PTPRD: variants seen among roughly 807,000 people sequenced by gnomAD.
PTPRD encodes receptor-type tyrosine-protein phosphatase delta.
A neutral mutation model predicts 214.5 loss-of-function variants in PTPRD; 34 were observed. That is an observed-to-expected ratio of 0.16 (90% CI 0.12 to 0.21). PTPRD has a LOEUF of 0.21. PTPRD is among the 10% of genes least tolerant of loss of function. The pLI is 1.00. For missense variants in PTPRD, 2,545 were observed against 2,398.7 expected (o/e 1.06, Z -1.27); for synonymous variants, 1,128 against 845.7 (o/e 1.33, Z -5.79).
chr9:8,538,052 C>G (rs1006120173), intron 14 of PTPRD, among the ~76,000 whole-genome samples: 22 of 151,934 alleles, frequency 1.4e-4, no homozygotes, highest in Admixed American at 1.2e-3. Flanking sequence ...GAACGTTTAA[C>G]TAAATACTTA....
intron 9 of PTPRD, among the ~76,000 whole-genome samples, chr9:9,224,329 G>C (rs1263482750): frequency 6.6e-6 from 1 of 151,954 alleles, no homozygotes; most frequent in Non-Finnish European, 1.5e-5. Context: ...GAAAGGGAAA[G>C]GCCATTTCAG....
chr9:10,375,894 T>C (rs1015113982), intron 2 of PTPRD, among the ~76,000 whole-genome samples: 11 of 152,054 alleles, frequency 7.2e-5, no homozygotes, highest in African/African-American at 2.7e-4. Context: ...CTATTTTGAA[T>C]TTGCATTTAT....
chr9:8,789,648 C>A (rs1326439878), intron 11 of PTPRD, among the ~76,000 whole-genome samples: 4 of 151,936 alleles, frequency 2.6e-5, no homozygotes, highest in Non-Finnish European at 4.4e-5. Context: ...ATTTTTTAAA[C>A]TGCTAGTACC....
At chr9:8,770,197 G>T (rs910136705) in intron 11 of PTPRD, among the ~76,000 whole-genome samples, 1 of 152,036 alleles carries the variant, frequency 6.6e-6, no homozygotes, top group African/African-American at 2.4e-5. Flanking sequence ...AGAGAGAATT[G>T]CTTGAACCGG....
rs551795533 is a variant in PTPRD at position 9,786,069 on chromosome 9, A to G, written c.-367-19218T>C. Among the ~76,000 whole-genome samples, 451 of 152,302 alleles carry G rather than the reference A, an allele frequency of 3.0e-3. 3 individuals carry two copies. Among genetic ancestry groups the G allele is most frequent in the African/African-American group, 0.01 (421 of 41,588 alleles). ...ATTACTTCTCCATATTTCATTATCAATAATACAAACCAATGGCCTAAGCCT... is the reference window on the plus strand; with the variant it reads ...ATTACTTCTCCATATTTCATTATCAGTAATACAAACCAATGGCCTAAGCCT... On this transcript the variant is annotated intron_variant, in intron 5 of 45. Transcript: ENST00000381196.
At chr9:9,956,917 G>T (rs1300544535) in intron 4 of PTPRD, among the ~76,000 whole-genome samples, 6 of 152,050 alleles carry the variant, frequency 3.9e-5, no homozygotes, top group African/African-American at 7.2e-5. Context: ...AAGAAAAGAT[G>T]ATGTTTATGT....
chr9:9,459,645 G>A (rs2093443257), intron 8 of PTPRD, among the ~76,000 whole-genome samples: 1 of 152,026 alleles, frequency 6.6e-6, no homozygotes, highest in Non-Finnish European at 1.5e-5. Context: ...CCAAAAAGGT[G>A]AAAGACCTCT....
chr9:8,314,546 A>G lies in PTPRD; in HGVS notation c.*3328T>C, dbSNP rs911300769. 4.3e-6 allele frequency: 1 copy of G among 232,200 alleles called. No individual in the cohort carries two copies. Among genetic ancestry groups the G allele is most frequent in the Non-Finnish European group, 8.5e-6 (1 of 117,200 alleles). The allele number at this position is 232,200 out of a possible 1,614,324, so 14.4% of individuals were successfully genotyped here. Reference sequence around the variant, plus strand: ...CACTCCAAGCTGGGATGGCAAAGCCACATAACGGATGGATAGAATGGATCT... The same window carrying G: ...CACTCCAAGCTGGGATGGCAAAGCCGCATAACGGATGGATAGAATGGATCT... On this transcript the variant is annotated 3_prime_UTR_variant, in exon 46 of 46. Transcript: ENST00000381196.
chr9:8,598,766 A>C lies in PTPRD; in HGVS notation c.352+34551T>G, dbSNP rs935678687. Among the ~76,000 whole-genome samples, 5 of 152,268 alleles carry C rather than the reference A, an allele frequency of 3.3e-5. No individual in the cohort carries two copies. In the East Asian group the frequency reaches 9.6e-4, roughly 29 times the overall value. ...CATTTGTAAAGGAAACCACTGTCTG[A>C]CCTTCTCAGAGAAATGCTGTCTTCC... On this transcript the variant is annotated intron_variant, in intron 14 of 45. Coordinates refer to ENST00000381196, the MANE Select transcript of PTPRD (RefSeq NM_002839.4).
intron 10 of PTPRD, among the ~76,000 whole-genome samples, chr9:9,182,941 T>G (rs1342157669): frequency 6.6e-6 from 1 of 151,986 alleles, no homozygotes; most frequent in Non-Finnish European, 1.5e-5. Flanking sequence ...AATAATTTCA[T>G]AGCAGCAGCA....
chr9:9,221,027 C>G (rs1051304839), intron 9 of PTPRD, among the ~76,000 whole-genome samples: 1 of 152,010 alleles, frequency 6.6e-6, no homozygotes, highest in South Asian at 2.1e-4. Context: ...AGTTCTGTCC[C>G]TCTCCCTGGT....
chr9:9,288,426 T>C (rs1241985410), intron 9 of PTPRD, among the ~76,000 whole-genome samples: 1 of 151,874 alleles, frequency 6.6e-6, no homozygotes, highest in Non-Finnish European at 1.5e-5. Context: ...ACTACCATAA[T>C]AAATACTTAA....
intron 12 of PTPRD, among the ~76,000 whole-genome samples, chr9:8,711,029 C>G (rs1268174168): frequency 1.3e-5 from 2 of 152,054 alleles, no homozygotes; most frequent in African/African-American, 2.4e-5. Context: ...GTGAAAGTAT[C>G]TTACTTTATT....
intron 3 of PTPRD, among the ~76,000 whole-genome samples, chr9:10,041,813 A>G (rs1479670996): frequency 6.6e-6 from 1 of 152,078 alleles, no homozygotes; most frequent in Non-Finnish European, 1.5e-5. Flanking sequence ...TGTAACTTAA[A>G]TAAGATATAA....
In PTPRD at chr9:10,306,553, G is replaced by A. The variant is rs1374772168; in HGVS notation, c.-545+34410C>T. 5.9e-5 allele frequency among the ~76,000 whole-genome samples: 9 copies of A among 152,090 alleles called. No individual in the cohort carries two copies. In the East Asian group the frequency reaches 9.7e-4, roughly 16 times the overall value. On this transcript the variant is annotated intron_variant, in intron 3 of 45. Transcript: ENST00000381196. ...TGCGATACAATATATAGAAACTAAG[G>A]TAATAATGAGAGTTTAACCTAATCA...
At chr9:9,497,446 T>C (rs183066985) in intron 8 of PTPRD, among the ~76,000 whole-genome samples, 6 of 152,270 alleles carry the variant, frequency 3.9e-5, no homozygotes, top group African/African-American at 1.2e-4. Context: ...TTTAAATGAC[T>C]CACTTTGATA....
chr9:9,466,754 T>C (rs1311757248), intron 8 of PTPRD, among the ~76,000 whole-genome samples: 1 of 152,180 alleles, frequency 6.6e-6, no homozygotes, highest in Non-Finnish European at 1.5e-5. Flanking sequence ...CTGGACTTTT[T>C]GATTTTCTAT....
intron 5 of PTPRD, among the ~76,000 whole-genome samples, chr9:9,828,774 C>T (rs185846230): frequency 4.1e-4 from 62 of 151,098 alleles, no homozygotes; most frequent in Non-Finnish European, 7.4e-4. Flanking sequence ...ATCAATATAA[C>T]TACTTGAAGT....
At chr9:8,974,983 G>C (rs1012195015) in intron 11 of PTPRD, among the ~76,000 whole-genome samples, 2 of 151,136 alleles carry the variant, frequency 1.3e-5, no homozygotes, top group East Asian at 2.0e-4. Flanking sequence ...TATATTCCTA[G>C]CTACTTGGGA....
Sources: allele counts gnomAD v4.1 joint callset (sites outside exome capture counted in the v4.1 genomes callset), GRCh38; gene constraint gnomAD v4.1.1; transcripts MANE v1.5; gene names NCBI Gene and HGNC (gene_info 2026-07-23, HGNC 2026-07-21).